PARP10: variants seen among roughly 807,000 people sequenced by gnomAD.
PARP10 encodes poly(ADP-ribose) polymerase family member 10.
PARP10 carries 56 observed loss-of-function variants against 82.4 expected under a neutral mutation model. The ratio of observed to expected loss-of-function variants is 0.68; its 90% CI spans 0.55 to 0.85. PARP10 has a LOEUF of 0.85. Among genes scored for constraint, PARP10 ranks in the 40% least tolerant of loss-of-function variants. The pLI is 0.00. For missense variants in PARP10, 1,227 were observed against 1,379.4 expected (o/e 0.89, Z 1.75); for synonymous variants, 576 against 601.1 (o/e 0.96, Z 0.61).
At chr8:143,994,356 C>T (rs1217946877), upstream of PARP10, among the ~76,000 whole-genome samples, 1 of 152,246 alleles carries the variant, frequency 6.6e-6, no homozygotes, top group Non-Finnish European at 1.5e-5. Flanking sequence ...TCCCAACCTC[C>T]CCTGCCTCAC....
chr8:143,984,497 A>T, intron 5 of PARP10, 47 bp downstream of exon 5: 1 of 1,590,380 alleles, frequency 6.3e-7, no homozygotes, highest in Non-Finnish European at 8.6e-7. Context: ...TTGAGTCCCC[A>T]GTAGGAGGAG....
intron 1 of PARP10, among the ~76,000 whole-genome samples, chr8:143,998,993 C>CTCCTTCCTTCCTTCCTTCCTTCCTTCCT (rs34794348): frequency 4.8e-5 from 7 of 146,472 alleles, no homozygotes; most frequent in African/African-American, 1.8e-4. Context: ...TTAATTCTTT[C>CTCCTTCCTTCCTTCCTTCCTTCCTTCCT]TCCTTCCTTC....
rs186183026 is a variant in PARP10 at position 144,007,951 on chromosome 8, T to A, written c.-80+4579A>T. Among the ~76,000 whole-genome samples the A allele has an allele frequency of 2.0e-5, 3 of 152,294 alleles. No homozygotes were observed. In the East Asian group the frequency reaches 5.8e-4, roughly 29 times the overall value. ...CTGGTATACAATAAGCGCTCAATAA[T>A]GTCAGCTATGGCCTTTTCATCGTCT... On this transcript the variant is annotated intron_variant, in intron 1 of 3. Coordinates refer to the PARP10 transcript ENST00000530478.
upstream of PARP10, among the ~76,000 whole-genome samples, chr8:143,994,716 C>T (rs1256958918): frequency 2.6e-5 from 4 of 152,184 alleles, no homozygotes; most frequent in African/African-American, 9.7e-5. Context: ...GTCCACCTTG[C>T]CCTCTGCAGC....
Position 143,986,097 on chromosome 8 carries a change from T to G in PARP10, c.139A>C (p.Arg47=). 1 of 1,614,052 alleles carries G rather than the reference T, an allele frequency of 6.2e-7. No individual in the cohort carries two copies. The highest frequency in any genetic ancestry group is 1.3e-5 in the African/African-American group (1 of 75,040). ...GTGAGGACGCCCCCACAGCCCAGTCTCTGCCAGCTCAACACAGGTCCCCCT... is the reference window on the plus strand; with the variant it reads ...GTGAGGACGCCCCCACAGCCCAGTCGCTGCCAGCTCAACACAGGTCCCCCT... ...SGGGPVLSWQ[R]LGCGGVLTFR... Residue 47 remains arginine (R), a synonymous_variant, in exon 2 of 11, where the codon AGA becomes CGA. Transcript: ENST00000313028.
chr8:143,978,174 G>T, intron 9 of PARP10, 93 bp from the exon 10 acceptor site: 1 of 1,371,094 alleles, frequency 7.3e-7, no homozygotes, highest in African/African-American at 1.5e-5. Context: ...GGAGCCCTCT[G>T]TTGGAGGAGT....
intron 9 of PARP10, among the ~76,000 whole-genome samples, chr8:143,979,157 T>C (rs1833790254): frequency 6.6e-6 from 1 of 151,962 alleles, no homozygotes; most frequent in Non-Finnish European, 1.5e-5. Context: ...GTATTTTTAG[T>C]AGAGAAGGGG....
rs370011427 is a variant in PARP10 at position 143,977,904 on chromosome 8, C to T, written c.2731+3G>A. On this transcript the variant is annotated splice_donor_region_variant and intron_variant, in intron 10 of 10. Transcript: ENST00000313028. Reference sequence around the variant, plus strand: ...CCCCGCCCCTGCCCGGCTCAGGCCTCACCGTTGCGGCCGCAGAAGCTGCGG... The same window carrying T: ...CCCCGCCCCTGCCCGGCTCAGGCCTTACCGTTGCGGCCGCAGAAGCTGCGG... 5 of 1,601,952 alleles carry T rather than the reference C, an allele frequency of 3.1e-6. No individual in the cohort carries two copies. The African/African-American group carries it at 5.3e-5, about 17-fold the overall frequency.
chr8:143,978,806 C>T (rs1012341381), intron 9 of PARP10, among the ~76,000 whole-genome samples: 4 of 152,022 alleles, frequency 2.6e-5, no homozygotes, highest in African/African-American at 7.2e-5. Flanking sequence ...CTCCACCGGC[C>T]GGAGCTCCAG....
chr8:144,009,285 T>A (rs1036022318), intron 1 of PARP10, among the ~76,000 whole-genome samples: 9 of 152,292 alleles, frequency 5.9e-5, no homozygotes, highest in African/African-American at 2.2e-4. Context: ...TCCAAGTCCC[T>A]AAAGCTGACG....
upstream of PARP10, chr8:143,992,512 G>A: frequency 6.2e-7 from 1 of 1,614,160 alleles, no homozygotes. Context: ...TGGTGAGCAT[G>A]GTGGTGCTCT....
chr8:143,984,004 C>A lies in PARP10; in HGVS notation c.1777+4G>T. 6.6e-7 allele frequency: 1 copy of A among 1,514,122 alleles called. No homozygotes were observed. The highest frequency in any genetic ancestry group is 8.8e-7 in the Non-Finnish European group (1 of 1,131,920). The allele number at this position is 1,514,122 out of a possible 1,614,324, so 93.8% of individuals were successfully genotyped here. A position where few individuals can be genotyped will look rare whatever the true frequency, so the allele number is the denominator to read the frequency against. On this transcript the variant is annotated splice_donor_region_variant and intron_variant, in intron 7 of 10. Transcript: ENST00000313028. The stretch of plus-strand genomic sequence containing the variant: ...ATGTGCTGAGGGCTCCCAGGGAGCC[C>A]TACCCAGGCTCACGTCCTCCTGGTC...
intron 1 of PARP10, among the ~76,000 whole-genome samples, chr8:144,009,758 C>A (rs1554752320): frequency 6.6e-6 from 1 of 152,172 alleles, no homozygotes. Context: ...GCTCCACCAC[C>A]CATGCCAGAA....
In PARP10 at chr8:143,985,852, G is replaced by A. The variant is rs1554749209; in HGVS notation, c.305C>T (p.Pro102Leu). The part of the protein sequence containing the change: ...LLQGLPPGTT[P>L]QRLEQHVQAL... ...CTGGACATGCTGCTCCAAGCGCTGG[G>A]GCGTGGTGCCAGGGGGCAGTCCTTG... Residue 102 changes from proline (P) to leucine (L), a missense_variant, in exon 3 of 11, where the codon CCC becomes CTC. By Grantham distance (98) the Pro-to-Leu change is moderately conservative (BLOSUM62 -3). Coordinates refer to ENST00000313028, the MANE Select transcript of PARP10 (RefSeq NM_032789.5). 6.2e-7 allele frequency: 1 copy of A among 1,609,832 alleles called. No homozygotes were observed. The highest frequency in any genetic ancestry group is 8.5e-7 in the Non-Finnish European group (1 of 1,178,408).
intron 5 of PARP10, 42 bp downstream of exon 5, chr8:143,984,499 TAGG>T: frequency 6.3e-7 from 1 of 1,590,312 alleles, no homozygotes; most frequent in South Asian, 1.1e-5. Context: ...GAGTCCCCAG[TAGG>T]AGGAGGGGGC....
chr8:144,009,583 A>G (rs1246487233), intron 1 of PARP10, among the ~76,000 whole-genome samples: 1 of 152,148 alleles, frequency 6.6e-6, no homozygotes, highest in East Asian at 1.9e-4. Flanking sequence ...TCTAACGTGT[A>G]TCTTTCCAGC....
At chr8:143,987,386 C>T (rs1420698356), upstream of PARP10, among the ~76,000 whole-genome samples, 1 of 152,218 alleles carries the variant, frequency 6.6e-6, no homozygotes, top group Non-Finnish European at 1.5e-5. Context: ...AGGACCCTGG[C>T]CAGCCTGCAC....
chr8:143,995,783 C>T (rs542344190), upstream of PARP10, among the ~76,000 whole-genome samples: 1 of 152,132 alleles, frequency 6.6e-6, no homozygotes, highest in Admixed American at 6.5e-5. Context: ...ACTACTCTGA[C>T]CATGATGGAT....
At chr8:143,989,347 A>G (rs1374527293), upstream of PARP10, among the ~76,000 whole-genome samples, 1 of 152,248 alleles carries the variant, frequency 6.6e-6, no homozygotes, top group African/African-American at 2.4e-5. The surrounding 1 kb of genome is among the most constrained non-coding windows in gnomAD (Gnocchi z 4.3). Context: ...CGTTAGGCAG[A>G]CAAGCGAGCG....
Sources: allele counts gnomAD v4.1 joint callset (sites outside exome capture counted in the v4.1 genomes callset), GRCh38; gene constraint gnomAD v4.1.1; non-coding constraint Gnocchi (gnomAD v3.1); transcripts MANE v1.5; gene names NCBI Gene and HGNC (gene_info 2026-07-23, HGNC 2026-07-21).